CTNNA3: variants seen among roughly 807,000 people sequenced by gnomAD.
CTNNA3 encodes the protein catenin alpha 3, also known as catenin alpha-3.
In CTNNA3, 76 loss-of-function variants were observed where a neutral mutation model predicts 95.7. The observed-to-expected ratio is 0.79, with a 90% CI of 0.66 to 0.96. The LOEUF (loss-of-function observed/expected upper bound fraction) is 0.96. CTNNA3 is among the 40% of genes least tolerant of loss of function. The pLI, the probability that CTNNA3 is intolerant of heterozygous loss-of-function variation, is 0.00. For missense variants in CTNNA3, 1,191 were observed against 1,089.8 expected, an observed-to-expected ratio of 1.09 and a Z score of -1.31; for synonymous variants, 431 against 374.4, an observed-to-expected ratio of 1.15 and a Z score of -1.74.
At chr10:67,068,396 G>A (rs1724564033) in intron 7 of CTNNA3, among the ~76,000 whole-genome samples, 1 of 152,178 alleles carries the variant, frequency 6.6e-6, no homozygotes, top group Non-Finnish European at 1.5e-5. Flanking sequence ...TACGTTGGGG[G>A]ACATTCGATG....
At chr10:65,958,367 T>C (rs2077774443) in intron 17 of CTNNA3, among the ~76,000 whole-genome samples, 1 of 152,188 alleles carries the variant, frequency 6.6e-6, no homozygotes, top group African/African-American at 2.4e-5. Context: ...TTATTACCGA[T>C]CATCTGAAGC....
intron 3 of CTNNA3, among the ~76,000 whole-genome samples, chr10:67,564,685 A>C (rs1402442159): frequency 3.0e-5 from 2 of 67,478 alleles, no homozygotes; most frequent in African/African-American, 1.3e-4. Context: ...GTGTATATAT[A>C]TATATATATA....
chr10:67,403,998 GA>G (rs1006495079), intron 5 of CTNNA3, among the ~76,000 whole-genome samples: 1 of 152,028 alleles, frequency 6.6e-6, no homozygotes, highest in African/African-American at 2.4e-5. Flanking sequence ...ACTGTTCAAA[GA>G]AAAAACGAGC....
intron 9 of CTNNA3, among the ~76,000 whole-genome samples, chr10:66,687,122 A>G (rs906015250): frequency 5.9e-5 from 9 of 152,156 alleles, no homozygotes; most frequent in Non-Finnish European, 1.0e-4. Flanking sequence ...ATATGTATGT[A>G]CCAAATGAGT....
chr10:66,312,668 T>C (rs2092038457), intron 12 of CTNNA3, among the ~76,000 whole-genome samples: 1 of 151,920 alleles, frequency 6.6e-6, no homozygotes, highest in Non-Finnish European at 1.5e-5. Context: ...TGCCTCAGCC[T>C]CCCGAGTAGC....
intron 10 of CTNNA3, among the ~76,000 whole-genome samples, chr10:66,533,962 T>C (rs1474853107): frequency 1.3e-5 from 2 of 152,126 alleles, no homozygotes; most frequent in African/African-American, 4.8e-5. Context: ...TTTATAACTC[T>C]GCAGTCACAA....
chr10:66,213,589 T>C (rs1177742950), intron 13 of CTNNA3, among the ~76,000 whole-genome samples: 1 of 152,130 alleles, frequency 6.6e-6, no homozygotes, highest in African/African-American at 2.4e-5. Context: ...TGAGAAGAAA[T>C]ATTGAAACCA....
In CTNNA3 at chr10:66,329,692, C is replaced by T. The variant is rs76872032; in HGVS notation, c.1733-49071G>A. Among the ~76,000 whole-genome samples the T allele has an allele frequency of 6.6e-3, 1,010 of 151,886 alleles. 11 individuals are homozygous for T. Among genetic ancestry groups the T allele is most frequent in the African/African-American group, 0.019 (800 of 41,432 alleles). The stretch of plus-strand genomic sequence containing the variant: ...TGAATGTGCATCACACATAGCTGGA[C>T]GAGAAAAATTTAATACTTTTTTTTC... On this transcript the variant is annotated intron_variant, in intron 12 of 17. Transcript: ENST00000433211.
intron 13 of CTNNA3, among the ~76,000 whole-genome samples, chr10:66,227,175 C>T (rs771850059): frequency 2.0e-5 from 3 of 151,980 alleles, no homozygotes; most frequent in African/African-American, 4.8e-5. Context: ...GCACTTTATT[C>T]CTTTCTCTTG....
chr10:66,646,557 CT>C (rs542933035), intron 9 of CTNNA3, among the ~76,000 whole-genome samples: 1 of 152,132 alleles, frequency 6.6e-6, no homozygotes, highest in South Asian at 2.1e-4. Flanking sequence ...AAACCACATA[CT>C]TTTAAAGGTG....
intron 9 of CTNNA3, among the ~76,000 whole-genome samples, chr10:66,701,697 C>G (rs992455347): frequency 2.6e-5 from 4 of 151,908 alleles, no homozygotes; most frequent in Non-Finnish European, 5.9e-5. Context: ...ATCTTATATC[C>G]TGAAACCTTG....
chr10:67,224,012 A>G (rs1864780808), intron 5 of CTNNA3, among the ~76,000 whole-genome samples: 1 of 152,232 alleles, frequency 6.6e-6, no homozygotes, highest in South Asian at 2.1e-4. Context: ...GCTTTCATAT[A>G]CATATACATT....
Position 66,068,658 on chromosome 10 carries a change from T to C in CTNNA3, c.2159+650A>G, listed in dbSNP as rs373400708. Among the ~76,000 whole-genome samples the C allele has an allele frequency of 2.0e-3, 305 of 152,304 alleles. 1 individual carries two copies. The highest frequency in any genetic ancestry group is 6.7e-3 in the African/African-American group (279 of 41,576). ...AGCTTCAGTGTATCCTTCTGTACTG[T>C]GGCTTTTATAACTACACCACGACTG... is the stretch of plus-strand genomic sequence containing the variant. On this transcript the variant is annotated intron_variant, in intron 15 of 17. Transcript: ENST00000433211.
Position 67,135,823 on chromosome 10 carries a change from T to A in CTNNA3, c.1047+44494A>T, listed in dbSNP as rs975230263. Among the ~76,000 whole-genome samples the A allele has an allele frequency of 7.2e-5, 11 of 152,324 alleles. No individual in the cohort carries two copies. In the East Asian group the frequency reaches 2.1e-3, roughly 29 times the overall value. ...CAAATATCTCAGTTTTCCTTATAAA[T>A]AATAAAAAAATTAACTCATTCAAAT... On this transcript the variant is annotated intron_variant, in intron 7 of 17. Coordinates refer to ENST00000433211, the MANE Select transcript of CTNNA3 (RefSeq NM_013266.4).
intron 7 of CTNNA3, among the ~76,000 whole-genome samples, chr10:66,898,775 G>T (rs1845604709): frequency 6.6e-6 from 1 of 152,136 alleles, no homozygotes; most frequent in South Asian, 2.1e-4. Context: ...TAATGGGAAA[G>T]TTTCATGACA....
At chr10:67,278,574 T>C (rs1233812100) in intron 5 of CTNNA3, among the ~76,000 whole-genome samples, 2 of 152,112 alleles carry the variant, frequency 1.3e-5, no homozygotes, top group African/African-American at 2.4e-5. Flanking sequence ...CCAAGTTTTA[T>C]TGTGCAGAGG....
At chr10:67,718,518 G>A (rs997026901) in intron 1 of CTNNA3, among the ~76,000 whole-genome samples, 5 of 152,112 alleles carry the variant, frequency 3.3e-5, no homozygotes, top group African/African-American at 1.2e-4. Context: ...TAGCATGAAG[G>A]GGTGTTAAAT....
At chr10:66,027,510 T>C (rs2079366087) in intron 15 of CTNNA3, among the ~76,000 whole-genome samples, 1 of 152,182 alleles carries the variant, frequency 6.6e-6, no homozygotes, top group African/African-American at 2.4e-5. Flanking sequence ...TGCTCTCTAC[T>C]GGTAATTTTT....
chr10:67,336,896 A>G (rs1254835287), intron 5 of CTNNA3, among the ~76,000 whole-genome samples: 1 of 152,180 alleles, frequency 6.6e-6, no homozygotes, highest in Non-Finnish European at 1.5e-5. Flanking sequence ...ACTGCTCAGA[A>G]AAAAGATTCC....
Sources: gnomAD v4.1 joint callset for allele counts (sites outside exome capture counted in the v4.1 genomes callset) on GRCh38, gnomAD v4.1.1 for gene constraint, MANE v1.5 for transcripts, NCBI Gene and HGNC (gene_info 2026-07-23, HGNC 2026-07-21) for gene names.